ZNF469: variants seen among roughly 807,000 people sequenced by gnomAD.
ZNF469 encodes the protein zinc finger protein 469.
In ZNF469, 1 loss-of-function variant was observed where a neutral mutation model predicts 1.0. The observed-to-expected ratio is 1.00, with a 90% confidence interval of 0.35 to 4.73. The LOEUF is 4.73. Among genes scored for constraint, ZNF469 ranks in the 30% most tolerant of loss-of-function variants. The pLI is 0.16. For missense variants in ZNF469, 6,100 were observed against 5,356.3 expected (o/e 1.14, Z -4.33); for synonymous variants, 2,703 against 2,363.4 (o/e 1.14, Z -4.17).
the ZNF469 span, among the ~76,000 whole-genome samples, chr16:88,116,268 A>C: frequency 1.3e-5 from 2 of 152,190 alleles, no homozygotes; most frequent in Admixed American, 6.5e-5. Flanking sequence ...GACCACAGGC[A>C]GGGATTGCCA....
the ZNF469 span, among the ~76,000 whole-genome samples, chr16:88,151,213 C>T: frequency 4.6e-5 from 7 of 152,138 alleles, no homozygotes; most frequent in African/African-American, 1.2e-4. The surrounding 1 kb of genome is among the most constrained non-coding windows in gnomAD (Gnocchi z 5.4). Flanking sequence ...GGACTGGTGC[C>T]GACTGTCAAA....
chr16:88,125,075 G>T, the ZNF469 span, among the ~76,000 whole-genome samples: 1 of 152,044 alleles, frequency 6.6e-6, no homozygotes, highest in African/African-American at 2.4e-5. Context: ...CTGTGAGGTG[G>T]GGTTCATATT....
chr16:88,409,222 C>A (rs554552527), intron 1 of ZNF469, among the ~76,000 whole-genome samples: 1 of 152,190 alleles, frequency 6.6e-6, no homozygotes, highest in Non-Finnish European at 1.5e-5. Context: ...CCTGACCTCA[C>A]GGTGACTCAG....
the ZNF469 span, among the ~76,000 whole-genome samples, chr16:88,278,636 C>T: frequency 3.0e-5 from 4 of 132,998 alleles, no homozygotes; most frequent in African/African-American, 5.2e-5. Context: ...TATCAGTGCA[C>T]GGTTAGTGCT....
chr16:88,413,765 T>G (rs1208333577), intron 1 of ZNF469, among the ~76,000 whole-genome samples: 1 of 152,050 alleles, frequency 6.6e-6, no homozygotes, highest in Non-Finnish European at 1.5e-5. Flanking sequence ...ACATCCCAGC[T>G]CCTGGGCTCC....
the ZNF469 span, among the ~76,000 whole-genome samples, chr16:88,221,446 G>A: frequency 1.3e-5 from 2 of 152,252 alleles, no homozygotes; most frequent in Non-Finnish European, 2.9e-5. Context: ...TCCCCGAGGA[G>A]GTTGTGGGGC....
At chr16:88,224,338 G>A in the ZNF469 span, among the ~76,000 whole-genome samples, 5 of 152,346 alleles carry the variant, frequency 3.3e-5, no homozygotes, top group Middle Eastern at 3.4e-3. Flanking sequence ...ACACAGCACC[G>A]CGGGGCCCCG....
chr16:88,129,806 C>G, the ZNF469 span, among the ~76,000 whole-genome samples: 2 of 152,178 alleles, frequency 1.3e-5, no homozygotes, highest in African/African-American at 4.8e-5. Context: ...TGTAATGAGC[C>G]AAGATCGTGC....
At chr16:88,204,393 G>C in the ZNF469 span, among the ~76,000 whole-genome samples, 1 of 152,230 alleles carries the variant, frequency 6.6e-6, no homozygotes, top group Non-Finnish European at 1.5e-5. Flanking sequence ...GGCAGAGTGG[G>C]ATTGTGACAC....
At chr16:88,382,641 G>C (rs2092528176), upstream of ZNF469, among the ~76,000 whole-genome samples, 1 of 152,236 alleles carries the variant, frequency 6.6e-6, no homozygotes, top group African/African-American at 2.4e-5. Context: ...GTCATGTGTG[G>C]GCACCTGGGG....
the ZNF469 span, among the ~76,000 whole-genome samples, chr16:88,270,678 A>G: frequency 0.43 from 64,917 of 152,098 alleles, 14,228 homozygotes; most frequent in African/African-American, 0.52. Context: ...TCCACGGGAA[A>G]ATTCTCCAGG....
chr16:88,138,112 T>C, the ZNF469 span, among the ~76,000 whole-genome samples: 3 of 152,142 alleles, frequency 2.0e-5, no homozygotes, highest in African/African-American at 7.2e-5. Context: ...ACACAAACTA[T>C]CAAGGTGTGT....
chr16:88,370,344 C>G, the ZNF469 span, among the ~76,000 whole-genome samples: 3 of 152,084 alleles, frequency 2.0e-5, no homozygotes, highest in Non-Finnish European at 4.4e-5. Context: ...GAGCGTGGGG[C>G]GGGCTCCACC....
chr16:88,380,749 CAT>C (rs1386251080), upstream of ZNF469, among the ~76,000 whole-genome samples: 2 of 149,894 alleles, frequency 1.3e-5, no homozygotes, highest in South Asian at 2.1e-4. Flanking sequence ...CACACACAGA[CAT>C]GCACTCACAG....
At chr16:88,320,167 G>C in the ZNF469 span, among the ~76,000 whole-genome samples, 1 of 152,248 alleles carries the variant, frequency 6.6e-6, no homozygotes, top group Admixed American at 6.5e-5. Context: ...AACAGGCTGA[G>C]TGCCTTGCAC....
At chr16:88,111,838 T>G in the ZNF469 span, among the ~76,000 whole-genome samples, 7 of 152,192 alleles carry the variant, frequency 4.6e-5, no homozygotes, top group East Asian at 3.9e-4. Context: ...GGTTTCACCA[T>G]GTTGGCCAGG....
intron 1 of ZNF469, among the ~76,000 whole-genome samples, chr16:88,406,749 A>G (rs1905038599): frequency 1.3e-5 from 2 of 152,124 alleles, no homozygotes; most frequent in African/African-American, 2.4e-5. Flanking sequence ...GCCTGGGCAT[A>G]GAGGTGGCTT....
chr16:88,333,863 A>AGTGTGTGTGT, the ZNF469 span, among the ~76,000 whole-genome samples: 1,663 of 140,938 alleles, frequency 0.012, 15 homozygotes, highest in Middle Eastern at 0.018. Flanking sequence ...GGGCAGTTGC[A>AGTGTGTGTGT]GTGTGTGTGT....
Position 88,437,714 on chromosome 16 carries a change from A to C in ZNF469, c.10244A>C (p.Lys3415Thr). 4 of 1,549,844 alleles carry C rather than the reference A, an allele frequency of 2.6e-6. No homozygotes were observed. Among genetic ancestry groups the C allele is most frequent in the Non-Finnish European group, 3.5e-6 (4 of 1,146,630 alleles). ...TGCGCCACGGTTATGCGCATCATCAAGAAGTCCTTCGCCTGCAGCTCCTGC... is the reference window on the plus strand; with the variant it reads ...TGCGCCACGGTTATGCGCATCATCACGAAGTCCTTCGCCTGCAGCTCCTGC... The part of the protein sequence containing the change: ...ELCATVMRII[K>T]KSFACSSCNY... The change falls in exon 3 of 3, where the codon AAG becomes ACG. Residue 3415 changes from lysine (K) to threonine (T), a missense_variant. Transcript: ENST00000565624.
Sources: gnomAD v4.1 joint callset for allele counts (sites outside exome capture counted in the v4.1 genomes callset) on GRCh38, gnomAD v4.1.1 for gene constraint, Gnocchi (gnomAD v3.1) non-coding constraint, MANE v1.5 for transcripts, NCBI Gene and HGNC (gene_info 2026-07-23, HGNC 2026-07-21) for gene names.